PRKD1: variants seen among roughly 807,000 people sequenced by gnomAD.
The protein encoded by PRKD1 is serine/threonine-protein kinase D1.
In PRKD1, 63 loss-of-function variants were observed where a neutral mutation model predicts 95.9. That is an observed-to-expected ratio of 0.66 (90% CI 0.54 to 0.81). The LOEUF is 0.81. Ranked by LOEUF, PRKD1 falls within the 30% of genes least tolerant of loss-of-function variation. The probability of loss-of-function intolerance (pLI) is 0.00; values close to 1 mark genes in which losing one functional copy is unlikely to be tolerated. For missense variants in PRKD1, 1,048 were observed against 1,165.3 expected (o/e 0.90, Z 1.47); for synonymous variants, 425 against 423.1 (o/e 1.00, Z -0.05).
At position 29,725,684 on chromosome 14, in the gene PRKD1, C is replaced by T. The variant is rs1404285430; in HGVS notation, c.265-10G>A. The T allele has an allele frequency of 6.2e-7, 1 of 1,612,298 alleles. No individual in the cohort carries two copies. The highest frequency in any genetic ancestry group is 8.5e-7 in the Non-Finnish European group (1 of 1,179,080). On this transcript the variant is annotated splice_polypyrimidine_tract_variant and intron_variant, in intron 1 of 17. Coordinates refer to ENST00000331968, the MANE Select transcript of PRKD1 (RefSeq NM_002742.3). Reference sequence around the variant, plus strand: ...AACCACATTCAGGGAACTGCAAATACAAATACCATGAGAGTGTAAATGTCA... The same window carrying T: ...AACCACATTCAGGGAACTGCAAATATAAATACCATGAGAGTGTAAATGTCA...
intron 2 of PRKD1, among the ~76,000 whole-genome samples, chr14:29,693,648 C>CAAAA (rs1403495192): frequency 2.1e-5 from 2 of 96,962 alleles, no homozygotes; most frequent in African/African-American, 1.3e-4. Context: ...AAAACAACAA[C>CAAAA]AACAAAAAAA....
chr14:29,602,024 G>T (rs1447772265), intron 13 of PRKD1, among the ~76,000 whole-genome samples: 1 of 152,162 alleles, frequency 6.6e-6, no homozygotes, highest in Non-Finnish European at 1.5e-5. Context: ...CATCTTCATT[G>T]ATTCTTTTAT....
At position 29,909,413 on chromosome 14, in the gene PRKD1, T is replaced by C. The variant is rs1594620575; in HGVS notation, c.264+17836A>G. Among the ~76,000 whole-genome samples, 3 of 152,196 alleles carry C rather than the reference T, an allele frequency of 2.0e-5. No individual in the cohort carries two copies. In the East Asian group the frequency reaches 5.8e-4, roughly 30 times the overall value. On this transcript the variant is annotated intron_variant, in intron 1 of 17. Transcript: ENST00000331968. ...GGAGTGTGGGCACACGGTGCAGGAC[T>C]GACAGGCAGCTCCACCTGCGGCCTG... is the stretch of plus-strand genomic sequence containing the variant.
chr14:29,600,088 T>C (rs775116338), intron 13 of PRKD1, among the ~76,000 whole-genome samples: 2 of 152,204 alleles, frequency 1.3e-5, no homozygotes, highest in African/African-American at 2.4e-5. Flanking sequence ...TAGGTTTTAA[T>C]TAGAATACCA....
chr14:29,578,184 T>A, intron 17 of PRKD1, 91 bp downstream of exon 17: 1 of 1,032,248 alleles, frequency 9.7e-7, no homozygotes, highest in Non-Finnish European at 1.4e-6. Flanking sequence ...AATCACACTT[T>A]AAAAATTATT....
intron 1 of PRKD1, among the ~76,000 whole-genome samples, chr14:29,857,887 C>T (rs560692461): frequency 1.3e-4 from 20 of 152,180 alleles, no homozygotes; most frequent in Non-Finnish European, 2.6e-4. Context: ...CTCCTCTCCA[C>T]ATTTTCTCTC....
At chr14:29,595,293 G>A (rs1893260977) in intron 16 of PRKD1, among the ~76,000 whole-genome samples, 1 of 152,060 alleles carries the variant, frequency 6.6e-6, no homozygotes, top group South Asian at 2.1e-4. Context: ...TTCACTGACT[G>A]GCCTAAATTC....
At chr14:29,676,057 A>C (rs988875727) in intron 2 of PRKD1, among the ~76,000 whole-genome samples, 11 of 152,022 alleles carry the variant, frequency 7.2e-5, no homozygotes. Context: ...GCAGCACACC[A>C]ACATGGCATA....
At chr14:29,727,629 C>G (rs955821732) in intron 1 of PRKD1, among the ~76,000 whole-genome samples, 1 of 150,774 alleles carries the variant, frequency 6.6e-6, no homozygotes, top group Non-Finnish European at 1.5e-5. Flanking sequence ...CCAGTTTTCC[C>G]AGCACCATTT....
chr14:29,899,594 C>T (rs1365015243), intron 1 of PRKD1, among the ~76,000 whole-genome samples: 1 of 152,120 alleles, frequency 6.6e-6, no homozygotes, highest in African/African-American at 2.4e-5. Context: ...TTGCAGTGAG[C>T]TGAAATCACG....
At chr14:29,818,616 G>GAAAA (rs71108499) in intron 1 of PRKD1, among the ~76,000 whole-genome samples, 1 of 129,996 alleles carries the variant, frequency 7.7e-6, no homozygotes, top group African/African-American at 3.0e-5. Flanking sequence ...TACTTCATTT[G>GAAAA]AAAAAAAAAA....
intron 1 of PRKD1, among the ~76,000 whole-genome samples, chr14:29,807,791 G>A (rs545876135): frequency 4.0e-5 from 6 of 149,886 alleles, no homozygotes; most frequent in Non-Finnish European, 5.9e-5. Flanking sequence ...CATGATCTTC[G>A]GCTCACTGAA....
intron 7 of PRKD1, 25 bp from the exon 8 acceptor site, chr14:29,634,566 GA>G (rs767587451): frequency 3.7e-6 from 6 of 1,612,086 alleles, no homozygotes; most frequent in East Asian, 2.2e-5. Flanking sequence ...ATATTGTAGG[GA>G]AAAAATGTTT....
chr14:29,837,196 T>C (rs1312196151), intron 1 of PRKD1, among the ~76,000 whole-genome samples: 1 of 152,126 alleles, frequency 6.6e-6, no homozygotes, highest in Non-Finnish European at 1.5e-5. Flanking sequence ...TTCTTTCTCA[T>C]AAGGTGTTTT....
At chr14:29,608,949 T>C (rs45444195) in intron 13 of PRKD1, among the ~76,000 whole-genome samples, 321 of 152,308 alleles carry the variant, frequency 2.1e-3, no homozygotes, top group Non-Finnish European at 3.6e-3. Flanking sequence ...TAGAACAAAT[T>C]ATGTTAATAT....
intron 4 of PRKD1, among the ~76,000 whole-genome samples, chr14:29,659,646 T>G (rs994893111): frequency 4.6e-5 from 7 of 152,206 alleles, no homozygotes; most frequent in African/African-American, 1.7e-4. Context: ...TAACAGGTGT[T>G]CTTTCAATGA....
intron 4 of PRKD1, among the ~76,000 whole-genome samples, chr14:29,651,957 G>A (rs1594397139): frequency 6.6e-6 from 1 of 152,268 alleles, no homozygotes; most frequent in Non-Finnish European, 1.5e-5. Flanking sequence ...CGTTGGCCAG[G>A]CTGGTCTCGA....
At chr14:29,608,112 A>G (rs1566482457) in intron 13 of PRKD1, among the ~76,000 whole-genome samples, 1 of 152,194 alleles carries the variant, frequency 6.6e-6, no homozygotes, top group African/African-American at 2.4e-5. Flanking sequence ...GTATCTGCCA[A>G]TCTGGATGCA....
At chr14:29,775,531 C>T (rs1165017311) in intron 1 of PRKD1, among the ~76,000 whole-genome samples, 9 of 152,170 alleles carry the variant, frequency 5.9e-5, no homozygotes, top group South Asian at 2.1e-4. Context: ...CCCCCACCCA[C>T]GGACCCTCGC....
Sources: gnomAD v4.1 joint callset for allele counts (sites outside exome capture counted in the v4.1 genomes callset) on GRCh38, gnomAD v4.1.1 for gene constraint, MANE v1.5 for transcripts, NCBI Gene and HGNC (gene_info 2026-07-23, HGNC 2026-07-21) for gene names.